KDM2B: variants seen among roughly 807,000 people sequenced by gnomAD.
The protein encoded by KDM2B is lysine demethylase 2B, also known as lysine-specific demethylase 2B.
KDM2B carries 26 observed loss-of-function variants against 150.0 expected under a neutral mutation model. The ratio of observed to expected loss-of-function variants is 0.17; its 90% CI spans 0.13 to 0.24. The LOEUF (loss-of-function observed/expected upper bound fraction) is 0.24. KDM2B is among the 10% of genes least tolerant of loss of function. KDM2B has a pLI of 1.00. For synonymous variants in KDM2B, 734 were observed against 729.5 expected (o/e 1.01, Z -0.10); for missense variants, 1,265 against 1,816.9 (o/e 0.70, Z 5.52).
the KDM2B span, chr12:121,420,227 G>A: frequency 1.3e-4 from 202 of 1,607,794 alleles, no homozygotes; most frequent in African/African-American, 2.0e-3. Context: ...AATCAGATAC[G>A]TTGTATAAGT....
At chr12:121,553,230 CA>C (rs1395383057) in intron 4 of KDM2B, among the ~76,000 whole-genome samples, 154 of 138,150 alleles carry the variant, frequency 1.1e-3, no homozygotes, top group Non-Finnish European at 1.0e-3. Flanking sequence ...GACTCTGTCT[CA>C]AAAAAAAAAA....
intron 8 of KDM2B, 148 bp downstream of exon 8, chr12:121,532,658 T>TTTCCCTCCAGCCCAC (rs1594067099): frequency 1.3e-6 from 1 of 776,712 alleles, no homozygotes; most frequent in East Asian, 2.5e-5. Context: ...CTGCACGGCT[T>TTTCCCTCCAGCCCAC]TTCCCTCCAG....
chr12:121,416,309 G>A, the KDM2B span: 1 of 1,614,154 alleles, frequency 6.2e-7, no homozygotes, highest in Non-Finnish European at 8.5e-7. Flanking sequence ...CTACCCACCA[G>A]CAGCTACGGA....
At chr12:121,414,581 C>A in the KDM2B span, among the ~76,000 whole-genome samples, 1 of 152,152 alleles carries the variant, frequency 6.6e-6, no homozygotes, top group Non-Finnish European at 1.5e-5. Flanking sequence ...ATAGCCCTTA[C>A]GCCTTGGAAG....
At chr12:121,479,258 G>T (rs1222667700) in intron 12 of KDM2B, among the ~76,000 whole-genome samples, 2 of 151,722 alleles carry the variant, frequency 1.3e-5, no homozygotes, top group African/African-American at 2.4e-5. Context: ...GACCATCCTG[G>T]CTAACAAGGT....
In KDM2B at chr12:121,575,213, C is replaced by T. The variant is rs1253271214; in HGVS notation, c.350+568G>A. Among the ~76,000 whole-genome samples the T allele has an allele frequency of 1.3e-5, 2 of 152,250 alleles. No individual in the cohort carries two copies. Among genetic ancestry groups the T allele is most frequent in the Non-Finnish European group, 2.9e-5 (2 of 68,044 alleles). On this transcript the variant is annotated intron_variant, in intron 3 of 22. Coordinates refer to ENST00000377071, the MANE Select transcript of KDM2B (RefSeq NM_032590.5). This position sits in a 1 kb window ranked among gnomAD's most constrained non-coding sequence, Gnocchi z 4.4. ...ACGACACCCCAAGCCTCCTCCCCTG[C>T]CCCTGCCCAAGGGGCACAAACCTGT...
rs1401935408 is a variant in KDM2B, at chr12:121,513,877, C to G, written c.1048-475G>C. Among the ~76,000 whole-genome samples the G allele has an allele frequency of 3.9e-5, 6 of 152,154 alleles. No individual in the cohort carries two copies. The highest frequency in any genetic ancestry group is 7.3e-5 in the Non-Finnish European group (5 of 68,034). On this transcript the variant is annotated intron_variant, in intron 9 of 22. Transcript: ENST00000377071. This position sits in a 1 kb window ranked among gnomAD's most constrained non-coding sequence, Gnocchi z 5.0. Reference sequence around the variant, plus strand: ...CTTCCAAGCCTTATCTATTTGCAGACAGGTTATGGAGCCTCCTCCTGTTTG... The same window carrying G: ...CTTCCAAGCCTTATCTATTTGCAGAGAGGTTATGGAGCCTCCTCCTGTTTG...
intron 6 of KDM2B, chr12:121,536,173 T>A: frequency 1.2e-6 from 1 of 860,434 alleles, no homozygotes; most frequent in Non-Finnish European, 1.4e-6. Flanking sequence ...GGGCTCCTGG[T>A]GCCCCCTCCC....
chr12:121,446,339 A>C (rs2138383442), intron 13 of KDM2B, among the ~76,000 whole-genome samples: 1 of 152,350 alleles, frequency 6.6e-6, no homozygotes, highest in East Asian at 1.9e-4. Context: ...CAGAGGTTGC[A>C]GTGAGCCGAG....
chr12:121,413,977 T>C, the KDM2B span, among the ~76,000 whole-genome samples: 2 of 152,208 alleles, frequency 1.3e-5, no homozygotes, highest in African/African-American at 2.4e-5. Context: ...GTTTGAACCT[T>C]GTGTTGTGGT....
intron 4 of KDM2B, among the ~76,000 whole-genome samples, chr12:121,555,815 G>C (rs1889844802): frequency 6.6e-6 from 1 of 152,190 alleles, no homozygotes; most frequent in African/African-American, 2.4e-5. Context: ...TGGTGTTTGG[G>C]ACGTGAGGGT....
the KDM2B span, among the ~76,000 whole-genome samples, chr12:121,411,867 G>A: frequency 2.6e-5 from 4 of 152,170 alleles, no homozygotes; most frequent in East Asian, 7.7e-4. Context: ...AGCTAAACTT[G>A]TAAAACTGCA....
downstream of KDM2B, among the ~76,000 whole-genome samples, chr12:121,426,088 G>A (rs1319362269): frequency 6.6e-6 from 1 of 152,172 alleles, no homozygotes; most frequent in Non-Finnish European, 1.5e-5. Flanking sequence ...GTAACTTGGT[G>A]GTGGCAAGTC....
chr12:121,442,952 C>A lies in KDM2B; in HGVS notation c.2604+40G>T. ...CAGGGAGCTGCGGTGCAGCTCTAAC[C>A]GCTCAGGCCTGGGGCACAGGAGGGA... On this transcript the variant is annotated intron_variant, in intron 18 of 22. Transcript: ENST00000377071. The surrounding 1 kb of genome is among the most constrained non-coding windows in gnomAD (Gnocchi z 7.7). 1 of 1,610,338 alleles carries A rather than the reference C, an allele frequency of 6.2e-7. No individual in the cohort carries two copies. The highest frequency in any genetic ancestry group is 8.5e-7 in the Non-Finnish European group (1 of 1,177,980).
At chr12:121,457,916 T>C (rs1031833748) in intron 12 of KDM2B, among the ~76,000 whole-genome samples, 3 of 152,138 alleles carry the variant, frequency 2.0e-5, no homozygotes, top group Admixed American at 6.5e-5. Context: ...CACCAGAAAA[T>C]GCATGGACAG....
intron 22 of KDM2B, among the ~76,000 whole-genome samples, chr12:121,434,055 C>T (rs1555286144): frequency 6.6e-6 from 1 of 152,066 alleles, no homozygotes; most frequent in African/African-American, 2.4e-5. Flanking sequence ...AACATGGTGC[C>T]TCTAGTCCCA....
chr12:121,448,319 CAAAAAAAAAAAAAAA>C (rs57261158), intron 13 of KDM2B, among the ~76,000 whole-genome samples: 1 of 51,116 alleles, frequency 2.0e-5, no homozygotes, highest in African/African-American at 6.1e-5. Context: ...GACTCTGTCT[CAAAAAAAAAAAAAAA>C]AAAAAAAAAA....
At chr12:121,444,428 G>A (rs1555289633) in intron 15 of KDM2B, 22 bp downstream of exon 15, 1 of 1,613,730 alleles carries the variant, frequency 6.2e-7, no homozygotes, top group African/African-American at 1.3e-5. Context: ...ACTGACCCTG[G>A]GACTTGGAGC....
chr12:121,469,551 GAGGTTGCAGTGGGCCAAGATTGTGCC>G (rs1172177704), intron 12 of KDM2B: 1 of 151,158 alleles, frequency 6.6e-6, no homozygotes, highest in African/African-American at 2.4e-5. Flanking sequence ...CTGGGAGGCA[GAGGTTGCAGTGGGCCAAGATTGTGCC>G]ACTGCACTCC....
Sources: gnomAD v4.1 joint callset for allele counts (sites outside exome capture counted in the v4.1 genomes callset) on GRCh38, gnomAD v4.1.1 for gene constraint, Gnocchi (gnomAD v3.1) non-coding constraint, MANE v1.5 for transcripts, NCBI Gene and HGNC (gene_info 2026-07-23, HGNC 2026-07-21) for gene names.